PARVB: variants seen among roughly 807,000 people sequenced by gnomAD.
PARVB encodes beta-parvin.
PARVB carries 46 observed loss-of-function variants against 47.0 expected under a neutral mutation model. The observed-to-expected ratio is 0.98, with a 90% CI of 0.77 to 1.25. PARVB has a LOEUF of 1.25. PARVB is among the 50% of genes most tolerant of loss of function. The pLI, the probability that PARVB is intolerant of heterozygous loss-of-function variation, is 0.00. For missense variants in PARVB, 473 were observed against 471.6 expected (o/e 1.00, Z -0.03); for synonymous variants, 196 against 196.3 (o/e 1.00, Z 0.01).
intron 3 of PARVB, among the ~76,000 whole-genome samples, chr22:44,101,334 CG>C (rs1271584908): frequency 1.3e-5 from 2 of 151,488 alleles, no homozygotes; most frequent in Non-Finnish European, 2.9e-5. Context: ...GCATGAACCC[CG>C]GGGGGCGGAG....
chr22:44,081,270 C>T (rs1332158968), intron 1 of PARVB, among the ~76,000 whole-genome samples: 2 of 152,160 alleles, frequency 1.3e-5, no homozygotes, highest in East Asian at 3.9e-4. Flanking sequence ...CCCAAATCCA[C>T]CTGCTTTTGG....
At chr22:44,151,029 CAA>C (rs35913551) in intron 9 of PARVB, 3,567 of 51,330 alleles carry the variant, frequency 0.069, 43 homozygotes, top group East Asian at 0.28. Flanking sequence ...GAGACTGTCT[CAA>C]AAAAAAAAAA....
chr22:44,137,723 G>A (rs1363703037), intron 7 of PARVB, among the ~76,000 whole-genome samples: 3 of 152,032 alleles, frequency 2.0e-5, no homozygotes, highest in African/African-American at 7.2e-5. Flanking sequence ...GCCTCCCCTG[G>A]GTCTCTTTCC....
At chr22:44,092,653 G>A (rs1419518388) in intron 1 of PARVB, among the ~76,000 whole-genome samples, 5 of 152,214 alleles carry the variant, frequency 3.3e-5, no homozygotes, top group African/African-American at 1.2e-4. Context: ...CAACATTCAT[G>A]GTTACATTCA....
chr22:44,101,611 C>A (rs1244505361), intron 3 of PARVB, among the ~76,000 whole-genome samples: 1 of 151,584 alleles, frequency 6.6e-6, no homozygotes, highest in Admixed American at 6.6e-5. Context: ...ATTTGCCGGG[C>A]ATGGTGGTGG....
intron 8 of PARVB, 29 bp downstream of exon 8, chr22:44,140,172 T>G: frequency 6.2e-7 from 1 of 1,612,746 alleles, no homozygotes; most frequent in East Asian, 2.2e-5. Flanking sequence ...AGTGGGGAGA[T>G]GGAGGCATGT....
chr22:44,151,421 C>T, intron 9 of PARVB, 62 bp from the exon 10 acceptor site: 1 of 1,250,112 alleles, frequency 8.0e-7, no homozygotes, highest in Non-Finnish European at 1.2e-6. Flanking sequence ...CAAGCCTGCC[C>T]CTCCAGATGG....
rs112562506 is a variant in PARVB at position 44,171,494 on chromosome 22, C to CA, written c.*2828dup. 20,280 of 139,050 alleles carry CA rather than the reference C, an allele frequency of 0.15. 1,658 individuals are homozygous for CA. The highest frequency in any genetic ancestry group is 0.23 in the South Asian group (1,009 of 4,340). 8.6% of individuals were successfully genotyped at this position (139,050 alleles called of 1,614,324 possible). ...TGAGCAACAGAGTGAGACTCTGTCTCAAAAAAAAAAAAGAAAGAAAAAAGA... is the reference window on the plus strand; with the variant it reads ...TGAGCAACAGAGTGAGACTCTGTCTCAAAAAAAAAAAAAGAAAGAAAAAAGA... On this transcript the variant is annotated 3_prime_UTR_variant, in exon 13 of 13. Transcript: ENST00000338758.
chr22:44,132,556 A>T (rs1410449841), intron 5 of PARVB, among the ~76,000 whole-genome samples: 1 of 152,104 alleles, frequency 6.6e-6, no homozygotes, highest in Non-Finnish European at 1.5e-5. Context: ...TGTGATGGGT[A>T]AGTGGCCGTG....
At chr22:44,098,900 C>A (rs985316219) in intron 2 of PARVB, among the ~76,000 whole-genome samples, 1 of 152,052 alleles carries the variant, frequency 6.6e-6, no homozygotes, top group Non-Finnish European at 1.5e-5. Flanking sequence ...GTCTGGAACT[C>A]CTGGGCTCAA....
upstream of PARVB, chr22:44,024,251 C>T: frequency 3.0e-6 from 2 of 660,464 alleles, no homozygotes; most frequent in Non-Finnish European, 3.7e-6. Flanking sequence ...GGGCGGGGGC[C>T]GGCGGCGGGG....
intron 3 of PARVB, among the ~76,000 whole-genome samples, chr22:44,118,576 G>A (rs1432833623): frequency 6.6e-6 from 1 of 152,218 alleles, no homozygotes; most frequent in Non-Finnish European, 1.5e-5. Context: ...CACCTTGACT[G>A]TCTTGGGGTG....
At chr22:44,033,284 C>T (rs780294059) in intron 1 of PARVB, among the ~76,000 whole-genome samples, 5 of 152,210 alleles carry the variant, frequency 3.3e-5, no homozygotes, top group South Asian at 4.2e-4. Context: ...TCAACTGATC[C>T]GCCCACCTCG....
At chr22:44,025,016 C>T (rs993319690) in intron 1 of PARVB, among the ~76,000 whole-genome samples, 4 of 152,126 alleles carry the variant, frequency 2.6e-5, no homozygotes, top group Non-Finnish European at 4.4e-5. Context: ...ACACTACCAA[C>T]CTCGTACGTT....
At chr22:44,119,299 G>A (rs932810961) in intron 4 of PARVB, among the ~76,000 whole-genome samples, 159 bp downstream of exon 4, 7 of 152,220 alleles carry the variant, frequency 4.6e-5, no homozygotes, top group African/African-American at 1.4e-4. Flanking sequence ...GCCCTGGGCT[G>A]TGGCTTCAGG....
At chr22:44,101,531 C>T (rs1420844408) in intron 3 of PARVB, among the ~76,000 whole-genome samples, 1 of 152,114 alleles carries the variant, frequency 6.6e-6, no homozygotes, top group African/African-American at 2.4e-5. Flanking sequence ...AGGTGGATCA[C>T]CTGAGGTGAG....
Position 44,170,105 on chromosome 22 carries a change from A to G in PARVB, c.*1427A>G, listed in dbSNP as rs894404266. 1 of 138,930 alleles carries G rather than the reference A, an allele frequency of 7.2e-6. No individual in the cohort carries two copies. The highest frequency in any genetic ancestry group is 1.5e-5 in the Non-Finnish European group (1 of 67,790). 8.6% of individuals were successfully genotyped at this position (138,930 alleles called of 1,614,324 possible). A position where few individuals can be genotyped will look rare whatever the true frequency, so the allele number is the denominator to read the frequency against. On this transcript the variant is annotated 3_prime_UTR_variant, in exon 13 of 13. Transcript: ENST00000338758. ...AGCCTTGATCTCCCAGGCTCAATTG[A>G]TCCTCCCACCTCAGCCTCCCAAGTA...
At chr22:44,092,306 C>G (rs915339466) in intron 1 of PARVB, among the ~76,000 whole-genome samples, 1 of 152,060 alleles carries the variant, frequency 6.6e-6, no homozygotes, top group Non-Finnish European at 1.5e-5. Flanking sequence ...AGACAAGGTT[C>G]CACCATGTTG....
At chr22:44,069,028 C>G in intron 1 of PARVB, 1 of 1,239,780 alleles carries the variant, frequency 8.1e-7, no homozygotes. Flanking sequence ...CCCAAAGAGG[C>G]TTTCCCTTGA....
Sources: gnomAD v4.1 joint callset for allele counts (sites outside exome capture counted in the v4.1 genomes callset) on GRCh38, gnomAD v4.1.1 for gene constraint, MANE v1.5 for transcripts, NCBI Gene and HGNC (gene_info 2026-07-23, HGNC 2026-07-21) for gene names.